RASGEF1C: variants seen among roughly 807,000 people sequenced by gnomAD.
The protein encoded by RASGEF1C is RasGEF domain family member 1C, also known as ras-GEF domain-containing family member 1C.
Under a neutral mutation model 58.1 loss-of-function variants are expected in RASGEF1C, and 27 were observed. The ratio of observed to expected loss-of-function variants is 0.46; its 90% CI spans 0.34 to 0.64. The LOEUF (loss-of-function observed/expected upper bound fraction) is 0.64, where lower values mean the gene tolerates loss of function less well. Among genes scored for constraint, RASGEF1C ranks in the 30% least tolerant of loss-of-function variants. The probability of loss-of-function intolerance (pLI) is 0.01; values close to 1 mark genes in which losing one functional copy is unlikely to be tolerated. For missense variants in RASGEF1C, 502 were observed against 605.1 expected (o/e 0.83, Z 1.79); for synonymous variants, 243 against 246.3 (o/e 0.99, Z 0.13).
At chr5:180,154,633 T>C (rs1380713019) in intron 1 of RASGEF1C, among the ~76,000 whole-genome samples, 1 of 149,078 alleles carries the variant, frequency 6.7e-6, no homozygotes, top group African/African-American at 2.5e-5. Context: ...CAGCCTGGAG[T>C]GCAGTGGTGC....
chr5:180,142,521 G>C (rs547246859), intron 1 of RASGEF1C, among the ~76,000 whole-genome samples: 18 of 152,300 alleles, frequency 1.2e-4, no homozygotes, highest in African/African-American at 4.3e-4. Context: ...CCTTGCTTCA[G>C]CATTAAATCC....
chr5:180,105,726 G>T (rs927651245), intron 12 of RASGEF1C, among the ~76,000 whole-genome samples: 1 of 151,906 alleles, frequency 6.6e-6, no homozygotes, highest in African/African-American at 2.4e-5. Context: ...AAATTAGCTG[G>T]GCGTGGTGGC....
At chr5:180,196,076 C>T (rs1406503041) in intron 1 of RASGEF1C, among the ~76,000 whole-genome samples, 1 of 152,182 alleles carries the variant, frequency 6.6e-6, no homozygotes, top group Non-Finnish European at 1.5e-5. Flanking sequence ...TCATGTAGAG[C>T]TTTTAAAAAT....
intron 6 of RASGEF1C, among the ~76,000 whole-genome samples, chr5:180,122,704 G>A (rs1350211055): frequency 6.3e-5 from 9 of 143,056 alleles, no homozygotes; most frequent in South Asian, 2.2e-4. Context: ...TTGTGCCACC[G>A]CACTCCAGCC....
Position 180,187,624 on chromosome 5 carries a change from T to TATAA in RASGEF1C, c.-7+21400_-7+21403dup, listed in dbSNP as rs1756064178. 2.0e-5 allele frequency among the ~76,000 whole-genome samples: 3 copies of TATAA among 152,316 alleles called. No homozygotes were observed. The South Asian group carries it at 6.2e-4, about 32-fold the overall frequency. The stretch of plus-strand genomic sequence containing the variant: ...CTGTAAGAGTCTAGTATTCTGAACA[T>TATAA]ATAAATAACTCCTATAACTTAAAGA... On this transcript the variant is annotated intron_variant, in intron 1 of 13. Transcript: ENST00000361132.
intron 1 of RASGEF1C, among the ~76,000 whole-genome samples, chr5:180,181,654 A>G (rs1767329046): frequency 6.6e-6 from 1 of 152,216 alleles, no homozygotes; most frequent in Admixed American, 6.5e-5. Flanking sequence ...CAGGCAGGGA[A>G]GGGTTCTATT....
chr5:180,129,959 G>A (rs1049737177), intron 4 of RASGEF1C, among the ~76,000 whole-genome samples: 1 of 152,208 alleles, frequency 6.6e-6, no homozygotes, highest in Non-Finnish European at 1.5e-5. Context: ...GGGTGGCCAC[G>A]GCCTTTCATC....
chr5:180,141,425 C>T (rs1313313850), intron 1 of RASGEF1C, among the ~76,000 whole-genome samples: 1 of 152,198 alleles, frequency 6.6e-6, no homozygotes, highest in Non-Finnish European at 1.5e-5. Context: ...CACGGATGAC[C>T]TTGAGGACGT....
intron 4 of RASGEF1C, among the ~76,000 whole-genome samples, chr5:180,134,526 T>C (rs1766432369): frequency 6.6e-6 from 1 of 151,564 alleles, no homozygotes; most frequent in African/African-American, 2.4e-5. Flanking sequence ...CTGTAGACCA[T>C]CCACCCAGCA....
chr5:180,182,369 G>C (rs886353043), intron 1 of RASGEF1C, among the ~76,000 whole-genome samples: 1 of 152,126 alleles, frequency 6.6e-6, no homozygotes, highest in Non-Finnish European at 1.5e-5. Flanking sequence ...GAGTGTTACA[G>C]CTCTTAAAGG....
At position 180,135,053 on chromosome 5, in the gene RASGEF1C, C is replaced by CT. The variant is rs1554112748; in HGVS notation, c.438+1324_438+1325insA. ...CCGTTTCCGCTGTCCCCACCCCCCCCGTCCAATCATCAACTGTTCCCTGGC... is the reference window on the plus strand; with the variant it reads ...CCGTTTCCGCTGTCCCCACCCCCCCCTGTCCAATCATCAACTGTTCCCTGGC... On this transcript the variant is annotated intron_variant, in intron 4 of 13. Coordinates refer to ENST00000361132, the MANE Select transcript of RASGEF1C (RefSeq NM_175062.4). Among the ~76,000 whole-genome samples, 564 of 144,462 alleles carry CT rather than the reference C, an allele frequency of 3.9e-3. 18 individuals carry two copies. Among genetic ancestry groups the CT allele is most frequent in the Admixed American group, 0.029 (411 of 14,326 alleles). 94.8% of individuals were successfully genotyped at this position (144,462 alleles called of 152,430 possible). A position where few individuals can be genotyped will look rare whatever the true frequency, so the allele number is the denominator to read the frequency against.
At position 180,198,531 on chromosome 5, in the gene RASGEF1C, G is replaced by C. The variant is rs112826956; in HGVS notation, c.-7+10497C>G. On this transcript the variant is annotated intron_variant, in intron 1 of 13. Coordinates refer to ENST00000361132, the MANE Select transcript of RASGEF1C (RefSeq NM_175062.4). This position sits in a 1 kb window ranked among gnomAD's most constrained non-coding sequence, Gnocchi z 4.5. Reference sequence around the variant, plus strand: ...AGGCAGAGAAGTCCAAGATCAAGTTGCTCTCTGCTCCACAGAGGGTGCCTC... The same window carrying C: ...AGGCAGAGAAGTCCAAGATCAAGTTCCTCTCTGCTCCACAGAGGGTGCCTC... Among the ~76,000 whole-genome samples the C allele has an allele frequency of 2.0e-5, 3 of 152,188 alleles. No homozygotes were observed. Among genetic ancestry groups the C allele is most frequent in the Non-Finnish European group, 4.4e-5 (3 of 68,036 alleles).
At chr5:180,117,866 T>G (rs1345576749) in intron 10 of RASGEF1C, among the ~76,000 whole-genome samples, 1 of 151,936 alleles carries the variant, frequency 6.6e-6, no homozygotes, top group Non-Finnish European at 1.5e-5. Flanking sequence ...TGGTAGCATG[T>G]GCCTATAATC....
chr5:180,208,144 G>A (rs1037507591), intron 1 of RASGEF1C, among the ~76,000 whole-genome samples: 21 of 152,122 alleles, frequency 1.4e-4, no homozygotes, highest in Non-Finnish European at 2.4e-4. Flanking sequence ...CCAGAGGTGG[G>A]ACCCCAGCGT....
At chr5:180,206,317 A>G (rs912883519) in intron 1 of RASGEF1C, among the ~76,000 whole-genome samples, 5 of 152,276 alleles carry the variant, frequency 3.3e-5, no homozygotes, top group African/African-American at 1.2e-4. Flanking sequence ...TGATTGCTTT[A>G]TAATTGGGCT....
At chr5:180,139,260 G>A (rs150805575) in intron 1 of RASGEF1C, among the ~76,000 whole-genome samples, 14 of 152,328 alleles carry the variant, frequency 9.2e-5, no homozygotes, top group African/African-American at 3.1e-4. Context: ...CTAAACCTGT[G>A]ACTGTTTAGA....
At chr5:180,193,998 T>C (rs11747424) in intron 1 of RASGEF1C, among the ~76,000 whole-genome samples, 57,275 of 122,170 alleles carry the variant, frequency 0.47, 11,258 homozygotes, top group South Asian at 0.57. Context: ...TCCTATTCTG[T>C]ATGGTGTTTG....
chr5:180,183,991 G>A (rs913337489), intron 1 of RASGEF1C, among the ~76,000 whole-genome samples: 1 of 151,218 alleles, frequency 6.6e-6, no homozygotes, highest in Non-Finnish European at 1.5e-5. Context: ...GGTCAACATA[G>A]TAAAACTCCA....
chr5:180,177,969 T>C lies in RASGEF1C; in HGVS notation c.-7+31059A>G, dbSNP rs1043959249. Reference sequence around the variant, plus strand: ...ATGCCTGAAGCCCACCTTGGGCTTTTTTTTTTTTTCTTTTTGAGGTGGAGT... The same window carrying C: ...ATGCCTGAAGCCCACCTTGGGCTTTCTTTTTTTTTCTTTTTGAGGTGGAGT... On this transcript the variant is annotated intron_variant, in intron 1 of 13. Coordinates refer to ENST00000361132, the MANE Select transcript of RASGEF1C (RefSeq NM_175062.4). The surrounding 1 kb of genome is among the most constrained non-coding windows in gnomAD (Gnocchi z 5.0). 6.6e-6 allele frequency among the ~76,000 whole-genome samples: 1 copy of C among 151,678 alleles called. No individual in the cohort carries two copies. Among genetic ancestry groups the C allele is most frequent in the Non-Finnish European group, 1.5e-5 (1 of 67,908 alleles).
Sources: gnomAD v4.1 joint callset for allele counts (sites outside exome capture counted in the v4.1 genomes callset) on GRCh38, gnomAD v4.1.1 for gene constraint, Gnocchi (gnomAD v3.1) non-coding constraint, MANE v1.5 for transcripts, NCBI Gene and HGNC (gene_info 2026-07-23, HGNC 2026-07-21) for gene names.